The following C11orf65 variants were observed in gnomAD, a reference collection of about 807,000 sequenced individuals.
The protein encoded by C11orf65 is chromosome 11 open reading frame 65.
C11orf65 carries 38 observed loss-of-function variants against 35.3 expected under a neutral mutation model. The ratio of observed to expected loss-of-function variants is 1.08; its 90% CI spans 0.83 to 1.41. C11orf65 has a LOEUF of 1.41. Ranked by LOEUF, C11orf65 falls within the 40% of genes most tolerant of loss-of-function variation. The probability of loss-of-function intolerance (pLI) is 0.00; values close to 1 mark genes in which losing one functional copy is unlikely to be tolerated. For missense variants in C11orf65, 370 were observed against 367.1 expected (o/e 1.01, Z -0.06); for synonymous variants, 105 against 114.4 (o/e 0.92, Z 0.53).
chr11:108,460,020 G>T (rs1474505697), intron 2 of C11orf65, among the ~76,000 whole-genome samples: 1 of 152,168 alleles, frequency 6.6e-6, no homozygotes, highest in Non-Finnish European at 1.5e-5. Flanking sequence ...TATAGGGCAA[G>T]TTACTTGGGA....
At chr11:108,430,855 A>G (rs923283476) in intron 3 of C11orf65, among the ~76,000 whole-genome samples, 3 of 151,602 alleles carry the variant, frequency 2.0e-5, no homozygotes, top group Non-Finnish European at 4.4e-5. Context: ...AAAAAAATAA[A>G]TAAATAAAAC....
downstream of C11orf65, chr11:108,329,225 A>T (rs587781838): frequency 4.3e-6 from 7 of 1,613,116 alleles, no homozygotes; most frequent in Non-Finnish European, 5.9e-6. Flanking sequence ...GGAACATAAA[A>T]TTCAGACAAA....
At chr11:108,353,735 C>A (rs779882823) in intron 2 of C11orf65, 9 of 1,529,736 alleles carry the variant, frequency 5.9e-6, no homozygotes, top group Non-Finnish European at 8.2e-6. Context: ...AGCTGTCAAA[C>A]CTCCTAACTT....
chr11:108,349,020 A>T (rs937770043), intron 2 of C11orf65, among the ~76,000 whole-genome samples: 2 of 152,184 alleles, frequency 1.3e-5, no homozygotes, highest in East Asian at 3.9e-4. Flanking sequence ...TTTCAGTTGA[A>T]GTCACTGGGC....
At chr11:108,409,427 A>C (rs561552925) in intron 3 of C11orf65, among the ~76,000 whole-genome samples, 1 of 152,174 alleles carries the variant, frequency 6.6e-6, no homozygotes, top group Admixed American at 6.5e-5. Flanking sequence ...GCCCCGACTT[A>C]AAGTGGTTCA....
chr11:108,393,133 A>G (rs890030215), intron 7 of C11orf65, 75 bp downstream of exon 7: 51 of 1,445,718 alleles, frequency 3.5e-5, no homozygotes, highest in Non-Finnish European at 4.8e-5. Context: ...CCAAGATTCA[A>G]CAAGGAAATA....
rs1565503246 is a variant in C11orf65 at position 108,317,461 on chromosome 11, A to G, written c.641-8390T>C. On this transcript the variant is annotated intron_variant, in intron 6 of 6. Coordinates refer to the C11orf65 transcript ENST00000525729. ...AATAAAGACTGGTGTCCTGAACTAG[A>G]AGAACTTCATTACCAAGCAGCATGG... 2 of 1,612,856 alleles carry G rather than the reference A, an allele frequency of 1.2e-6. No homozygotes were observed. Among genetic ancestry groups the G allele is most frequent in the Non-Finnish European group, 1.7e-6 (2 of 1,179,586 alleles).
intron 2 of C11orf65, among the ~76,000 whole-genome samples, chr11:108,337,373 G>A (rs1259810854): frequency 6.6e-6 from 1 of 152,142 alleles, no homozygotes. Flanking sequence ...AATGCAAAAA[G>A]CAAAAGTTGC....
intron 2 of C11orf65, chr11:108,356,135 A>T (rs1458027764): frequency 2.0e-5 from 3 of 152,234 alleles, no homozygotes; most frequent in African/African-American, 7.2e-5. Context: ...ATGATAAGAA[A>T]ATAAGCATGA....
rs1026402679 is a variant in C11orf65 at position 108,382,840 on chromosome 11, G to T, written c.*181C>A. 2 of 984,104 alleles carry T rather than the reference G, an allele frequency of 2.0e-6. No individual in the cohort carries two copies. Among genetic ancestry groups the T allele is most frequent in the African/African-American group, 3.5e-5 (2 of 57,178 alleles). The allele number at this position is 984,104 out of a possible 1,614,324, so 61.0% of individuals were successfully genotyped here. On this transcript the variant is annotated 3_prime_UTR_variant, in exon 9 of 9. Coordinates refer to ENST00000393084, the MANE Select transcript of C11orf65 (RefSeq NM_152587.5). ...AATACTAGGAATAATTTCTATATTTGCCATGATCATTGTATTCAGTCCAGT... is the reference window on the plus strand; with the variant it reads ...AATACTAGGAATAATTTCTATATTTTCCATGATCATTGTATTCAGTCCAGT...
chr11:108,311,204 C>T (rs963256716), intron 6 of C11orf65, among the ~76,000 whole-genome samples: 11 of 152,018 alleles, frequency 7.2e-5, no homozygotes, highest in African/African-American at 1.7e-4. Flanking sequence ...CAAGCTCCTA[C>T]GTTCAAGCAG....
In C11orf65 at chr11:108,365,178, A is replaced by C. The variant is rs1555151456; in HGVS notation, c.226+28030T>G. ...GGAAGATGAAACTGAGCTTCACCCT[A>C]CTCTGAATGCAGATGACCAAGAATG... On this transcript the variant is annotated intron_variant, in intron 2 of 3. Transcript: ENST00000524755. 6.2e-7 allele frequency: 1 copy of C among 1,614,150 alleles called. No individual in the cohort carries two copies. Among genetic ancestry groups the C allele is most frequent in the Non-Finnish European group, 8.5e-7 (1 of 1,180,018 alleles).
At chr11:108,315,810 T>A (rs775798226) in intron 6 of C11orf65, 1 of 1,602,366 alleles carries the variant, frequency 6.2e-7, no homozygotes, top group Non-Finnish European at 8.5e-7. Context: ...TTTTGTTGTT[T>A]CCATGTTTTC....
At chr11:108,339,069 A>G (rs2087180908) in intron 2 of C11orf65, among the ~76,000 whole-genome samples, 1 of 152,208 alleles carries the variant, frequency 6.6e-6, no homozygotes, top group African/African-American at 2.4e-5. Flanking sequence ...GGCATGCCAG[A>G]TATCTCTTGT....
At chr11:108,387,883 A>T (rs1391159440) in intron 7 of C11orf65, among the ~76,000 whole-genome samples, 3 of 152,152 alleles carry the variant, frequency 2.0e-5, no homozygotes, top group Non-Finnish European at 4.4e-5. Context: ...GCTCCTTCTT[A>T]CTACTGCTAC....
intron 2 of C11orf65, among the ~76,000 whole-genome samples, chr11:108,350,134 C>A (rs776342024): frequency 6.6e-6 from 1 of 152,034 alleles, no homozygotes; most frequent in Non-Finnish European, 1.5e-5. Flanking sequence ...ATAAGACATG[C>A]CAAGCAGTTT....
At chr11:108,367,837 T>G in intron 2 of C11orf65, 1 of 207,854 alleles carries the variant, frequency 4.8e-6, no homozygotes, top group Non-Finnish European at 9.8e-6. Context: ...TTGGTGTATC[T>G]TTTTCTTACA....
At chr11:108,401,553 G>A (rs963725550) in intron 6 of C11orf65, among the ~76,000 whole-genome samples, 8 of 152,188 alleles carry the variant, frequency 5.3e-5, no homozygotes, top group Non-Finnish European at 8.8e-5. Flanking sequence ...TCCTTGAAAA[G>A]TAAGAAACGA....
exon 7 of C11orf65, chr11:108,308,533 C>G (rs999065407): frequency 5.4e-6 from 1 of 185,140 alleles, no homozygotes; most frequent in Non-Finnish European, 1.1e-5. Flanking sequence ...AGATTTTTAA[C>G]AGTGCATACA....
Sources: gnomAD v4.1 joint callset for allele counts (sites outside exome capture counted in the v4.1 genomes callset) on GRCh38, gnomAD v4.1.1 for gene constraint, MANE v1.5 for transcripts, NCBI Gene and HGNC (gene_info 2026-07-23, HGNC 2026-07-21) for gene names.